Variants in SATL1 observed in about 807,000 individuals in gnomAD.
SATL1 encodes spermidine/spermine N(1)-acetyltransferase-like protein 1.
Under a neutral mutation model 51.8 loss-of-function variants are expected in SATL1, and 47 were observed. The ratio of observed to expected loss-of-function variants is 0.91; its 90% CI spans 0.72 to 1.16. The LOEUF (loss-of-function observed/expected upper bound fraction) is 1.16, where lower values mean the gene tolerates loss of function less well. Ranked by LOEUF, SATL1 falls within the 50% of genes most tolerant of loss-of-function variation. SATL1 has a pLI of 0.00. For missense variants in SATL1, 520 were observed against 526.4 expected, an observed-to-expected ratio of 0.99 and a Z score of 0.12; for synonymous variants, 176 against 182.4, an observed-to-expected ratio of 0.97 and a Z score of 0.28.
chrX:85,171,284 A>C (rs1437044889), intron 2 of SATL1, among the ~76,000 whole-genome samples: 1 of 111,170 alleles, frequency 9.0e-6, no homozygotes, highest in Non-Finnish European at 1.9e-5. Flanking sequence ...TTACTTTTTG[A>C]GTCTCATAAG....
intron 4 of SATL1, among the ~76,000 whole-genome samples, chrX:85,103,082 G>A (rs941104413): frequency 5.4e-5 from 6 of 111,327 alleles, no homozygotes; most frequent in Admixed American, 1.9e-4. Flanking sequence ...ACATTCTAGT[G>A]GTGTTAATTA....
intron 2 of SATL1, among the ~76,000 whole-genome samples, chrX:85,170,273 TAA>T (rs929249048): frequency 1.8e-5 from 2 of 111,100 alleles, no homozygotes; most frequent in African/African-American, 6.6e-5. Flanking sequence ...CCTGTGAACT[TAA>T]AATAAAAGTT....
intron 2 of SATL1, among the ~76,000 whole-genome samples, chrX:85,184,586 C>G (rs1483063499): frequency 9.0e-6 from 1 of 111,695 alleles, no homozygotes; most frequent in Non-Finnish European, 1.9e-5. Flanking sequence ...TCTTTTTTTG[C>G]TGAATCAATT....
chrX:85,129,576 A>G, intron 2 of SATL1, among the ~76,000 whole-genome samples: 1 of 111,912 alleles, frequency 8.9e-6, no homozygotes, highest in African/African-American at 3.2e-5. Context: ...TAAATATACA[A>G]TCATGTCTTC....
chrX:85,141,766 C>A (rs890051618), intron 2 of SATL1, among the ~76,000 whole-genome samples: 61 of 109,270 alleles, frequency 5.6e-4, no homozygotes, highest in Admixed American at 2.8e-3. Flanking sequence ...TGTCAAAAAC[C>A]AATGGATTTT....
chrX:85,209,894 C>T (rs1006675142), intron 2 of SATL1: 2 of 109,902 alleles, frequency 1.8e-5, no homozygotes, highest in African/African-American at 6.6e-5. Flanking sequence ...TGTGTTTGCT[C>T]TTGCTTCTCT....
intron 2 of SATL1, among the ~76,000 whole-genome samples, chrX:85,186,414 T>C (rs1927315038): frequency 1.8e-5 from 2 of 110,637 alleles, no homozygotes; most frequent in Admixed American, 1.9e-4. Flanking sequence ...GCACCAGGAT[T>C]TGACCAGCAA....
At position 85,125,219 on chromosome X, in the gene SATL1, T is replaced by C. The variant is rs763013257; in HGVS notation, c.-312-15939A>G. 3.6e-5 allele frequency among the ~76,000 whole-genome samples: 4 copies of C among 111,173 alleles called. No individual in the cohort carries two copies. The East Asian group carries it at 1.1e-3, about 32-fold the overall frequency. ...TCATGCCAGACATCATTTTATGCATTGGAGATACATGGTACACAGACATTA... is the reference window on the plus strand; with the variant it reads ...TCATGCCAGACATCATTTTATGCATCGGAGATACATGGTACACAGACATTA... On this transcript the variant is annotated intron_variant, in intron 2 of 7. Coordinates refer to ENST00000644105, the MANE Select transcript of SATL1 (RefSeq NM_001367857.2).
At chrX:85,170,737 C>T (rs748593937) in intron 2 of SATL1, among the ~76,000 whole-genome samples, 12 of 111,177 alleles carry the variant, frequency 1.1e-4, no homozygotes, top group South Asian at 3.7e-4. Flanking sequence ...AATGCAAATG[C>T]GCTTAAAACA....
At chrX:85,220,883 A>G (rs1192210132) in intron 2 of SATL1, among the ~76,000 whole-genome samples, 2 of 109,841 alleles carry the variant, frequency 1.8e-5, no homozygotes, top group Non-Finnish European at 3.8e-5. Flanking sequence ...CTTCCTAAAT[A>G]GATCTCAAAT....
At chrX:85,178,842 T>C (rs761919446) in intron 2 of SATL1, among the ~76,000 whole-genome samples, 1 of 111,690 alleles carries the variant, frequency 9.0e-6, no homozygotes, top group African/African-American at 3.2e-5. Context: ...CTTTATGGAA[T>C]GTAGTTAACA....
chrX:85,173,495 T>G (rs1176522787), intron 2 of SATL1, among the ~76,000 whole-genome samples: 1 of 110,859 alleles, frequency 9.0e-6, no homozygotes, highest in Non-Finnish European at 1.9e-5. Context: ...TTCCATGGTT[T>G]TCTTTTTTTT....
At chrX:85,099,265 T>A (rs925987726) in intron 4 of SATL1, among the ~76,000 whole-genome samples, 2 of 110,705 alleles carry the variant, frequency 1.8e-5, no homozygotes, top group Non-Finnish European at 3.8e-5. Context: ...TAATCAAAGA[T>A]CTCCCAACAA....
intron 2 of SATL1, among the ~76,000 whole-genome samples, chrX:85,163,344 A>T: frequency 9.0e-6 from 1 of 110,876 alleles, no homozygotes; most frequent in East Asian, 2.8e-4. Context: ...ATTCCTTGGC[A>T]TGTGAGCTCA....
chrX:85,170,664 G>A (rs1428946428), intron 2 of SATL1, among the ~76,000 whole-genome samples: 1 of 111,614 alleles, frequency 9.0e-6, no homozygotes, highest in Non-Finnish European at 1.9e-5. Flanking sequence ...TGTGTTAACT[G>A]AGTTTGGATT....
intron 2 of SATL1, among the ~76,000 whole-genome samples, chrX:85,150,928 C>A (rs1450122855): frequency 5.4e-5 from 6 of 110,445 alleles, no homozygotes; most frequent in African/African-American, 2.0e-4. Context: ...CCCTCTCTCA[C>A]CGCTCCTATT....
At chrX:85,181,158 CACAG>C (rs993239469) in intron 2 of SATL1, among the ~76,000 whole-genome samples, 23 of 102,926 alleles carry the variant, frequency 2.2e-4, no homozygotes, top group Admixed American at 1.1e-4. Context: ...TACTCATACA[CACAG>C]ACAGATATAT....
At chrX:85,184,305 G>A (rs962616428) in intron 2 of SATL1, among the ~76,000 whole-genome samples, 2 of 111,291 alleles carry the variant, frequency 1.8e-5, no homozygotes, top group Non-Finnish European at 3.8e-5. Flanking sequence ...TCTTGGGATA[G>A]CCTTATTTTG....
At chrX:85,155,557 A>G (rs758598793) in intron 2 of SATL1, among the ~76,000 whole-genome samples, 1 of 112,333 alleles carries the variant, frequency 8.9e-6, no homozygotes, top group African/African-American at 3.2e-5. Flanking sequence ...GGTTATTTAC[A>G]TGCTTTTTGG....
Sources: allele counts gnomAD v4.1 joint callset (sites outside exome capture counted in the v4.1 genomes callset), GRCh38; gene constraint gnomAD v4.1.1; transcripts MANE v1.5; gene names NCBI Gene and HGNC (gene_info 2026-07-23, HGNC 2026-07-21).